The following RAPGEF3 variants were observed in gnomAD, a reference collection of about 807,000 sequenced individuals.
RAPGEF3 encodes the protein 9330170P05Rik.
A neutral mutation model predicts 129.8 loss-of-function variants in RAPGEF3; 103 were observed. That is an observed-to-expected ratio of 0.79 (90% CI 0.68 to 0.93). The LOEUF is 0.93. Ranked by LOEUF, RAPGEF3 falls within the 40% of genes least tolerant of loss-of-function variation. The pLI is 0.00. For missense variants in RAPGEF3, 1,117 were observed against 1,207.4 expected, an observed-to-expected ratio of 0.93 and a Z score of 1.11; for synonymous variants, 436 against 482.6, an observed-to-expected ratio of 0.90 and a Z score of 1.26.
At chr12:47,752,063 A>C in intron 2 of RAPGEF3, 94 bp from the exon 3 acceptor site, 2 of 1,374,896 alleles carry the variant, frequency 1.5e-6, no homozygotes, top group Non-Finnish European at 2.0e-6. Context: ...ACTCTTGCCT[A>C]GGCCCCAACC....
Position 47,750,392 on chromosome 12 carries a change from G to A in RAPGEF3, c.705C>T (p.Leu235=). The A allele has an allele frequency of 6.2e-7, 1 of 1,614,026 alleles. No individual in the cohort carries two copies. The highest frequency in any genetic ancestry group is 8.5e-7 in the Non-Finnish European group (1 of 1,179,928). ...TGATGTGCAGCAGCTCCTCAAAGAT[G>A]AGGTCCAGCTCTTCATCCGTGCGCT... ...PGQRTDEELD[L]IFEELLHIKA... is the part of the protein sequence containing the mutation. The change falls in exon 7 of 28, where the codon CTC becomes CTT. Residue 235 remains leucine, a synonymous_variant. Coordinates refer to ENST00000449771, the MANE Select transcript of RAPGEF3 (RefSeq NM_001098531.4).
At chr12:47,739,363 G>A in intron 23 of RAPGEF3, 133 bp from the exon 24 acceptor site, 1 of 751,882 alleles carries the variant, frequency 1.3e-6, no homozygotes, top group South Asian at 1.5e-5. Flanking sequence ...CTCAGCCCCA[G>A]GTCTCACCCA....
chr12:47,738,362 C>G, intron 25 of RAPGEF3, 115 bp from the exon 26 acceptor site: 1 of 1,405,644 alleles, frequency 7.1e-7, no homozygotes, highest in Non-Finnish European at 9.9e-7. Context: ...CTGTAAGATC[C>G]TTGGTTATGT....
chr12:47,740,444 C>G, intron 21 of RAPGEF3, 49 bp from the exon 22 acceptor site: 1 of 1,574,294 alleles, frequency 6.4e-7, no homozygotes. Flanking sequence ...AGCAGCCACC[C>G]CTACAGTGCC....
chr12:47,753,116 T>G (rs146005288), intron 2 of RAPGEF3, among the ~76,000 whole-genome samples: 160 of 152,332 alleles, frequency 1.1e-3, no homozygotes, highest in Middle Eastern at 6.8e-3. Flanking sequence ...AATCGCCCCC[T>G]TGATTTCATT....
At chr12:47,744,102 G>A in intron 16 of RAPGEF3, 34 bp from the exon 17 acceptor site, 2 of 1,506,990 alleles carry the variant, frequency 1.3e-6, no homozygotes, top group Non-Finnish European at 1.8e-6. Flanking sequence ...ATAAGGCTGG[G>A]AGGACATGAG....
Position 47,737,415 on chromosome 12 carries a change from G to C in RAPGEF3, c.*152C>G, listed in dbSNP as rs1306717510. On this transcript the variant is annotated 3_prime_UTR_variant, in exon 28 of 28. Coordinates refer to ENST00000449771, the MANE Select transcript of RAPGEF3 (RefSeq NM_001098531.4). ...TCCTTAGCTGCCAGTCATCACAGGGGATGGCTGCCTCCACACTGCCTGCTC... is the reference window on the plus strand; with the variant it reads ...TCCTTAGCTGCCAGTCATCACAGGGCATGGCTGCCTCCACACTGCCTGCTC... The C allele has an allele frequency of 6.1e-6, 4 of 652,720 alleles. No individual in the cohort carries two copies. The highest frequency in any genetic ancestry group is 5.6e-5 in the Admixed American group (2 of 36,022). The allele number at this position is 652,720 out of a possible 1,614,324, so 40.4% of individuals were successfully genotyped here.
intron 11 of RAPGEF3, 31 bp downstream of exon 11, chr12:47,748,788 G>T: frequency 6.9e-7 from 1 of 1,443,462 alleles, no homozygotes; most frequent in Non-Finnish European, 9.8e-7. Context: ...AGGAGGGACA[G>T]TGTGGAGAGG....
chr12:47,750,081 C>A, intron 7 of RAPGEF3, 91 bp from the exon 8 acceptor site: 1 of 1,456,480 alleles, frequency 6.9e-7, no homozygotes, highest in East Asian at 2.3e-5. Flanking sequence ...TCCAAAGACA[C>A]AAGTGCTGGG....
At chr12:47,748,024 C>A in intron 13 of RAPGEF3, 50 bp downstream of exon 13, 1 of 1,545,128 alleles carries the variant, frequency 6.5e-7, no homozygotes, top group Non-Finnish European at 8.8e-7. Flanking sequence ...CTCAACCCCA[C>A]GCACCATCCT....
At chr12:47,747,264 C>T (rs1352223536) in intron 15 of RAPGEF3, among the ~76,000 whole-genome samples, 1 of 152,092 alleles carries the variant, frequency 6.6e-6, no homozygotes, top group Non-Finnish European at 1.5e-5. Context: ...GAAGCTGGCA[C>T]TGAGGGTATT....
intron 2 of RAPGEF3, 111 bp from the exon 3 acceptor site, chr12:47,752,080 G>A: frequency 2.6e-6 from 3 of 1,136,164 alleles, no homozygotes; most frequent in Non-Finnish European, 2.6e-6. Flanking sequence ...AACCCCAAAT[G>A]CATCCATGTG....
At chr12:47,739,819 A>G (rs1941035752) in intron 23 of RAPGEF3, 1 of 469,294 alleles carries the variant, frequency 2.1e-6, no homozygotes, top group Non-Finnish European at 3.9e-6. Flanking sequence ...GGAGCCCCTG[A>G]CACTGCCCTG....
rs1565772954 is a variant in RAPGEF3 at position 47,758,578 on chromosome 12, G to A, written c.-22C>T. ...TCATGTTTCTTTTCAAGCTCGCACA[G>A]CCGTGCAGGCTCTAGCAAAAGGCTG... On this transcript the variant is annotated 5_prime_UTR_variant, in exon 1 of 28. Transcript: ENST00000449771. 1.2e-6 allele frequency: 2 copies of A among 1,613,870 alleles called. No homozygotes were observed. Among genetic ancestry groups the A allele is most frequent in the South Asian group, 1.1e-5 (1 of 91,034 alleles).
In RAPGEF3 at chr12:47,749,595, C is replaced by T; in HGVS notation, c.895-59G>A. 1 of 1,537,064 alleles carries T rather than the reference C, an allele frequency of 6.5e-7. No individual in the cohort carries two copies. On this transcript the variant is annotated intron_variant, in intron 9 of 27. Coordinates refer to ENST00000449771, the MANE Select transcript of RAPGEF3 (RefSeq NM_001098531.4). The surrounding 1 kb of genome is among the most constrained non-coding windows in gnomAD (Gnocchi z 4.5). ...CCGCCCCTGCCGCCCCCAGCTCTTG[C>T]CAGGACAGACCCACGGCAGGAGAAC...
chr12:47,740,878 G>A (rs751617189), intron 20 of RAPGEF3, 37 bp downstream of exon 20: 84 of 1,613,492 alleles, frequency 5.2e-5, no homozygotes, highest in Non-Finnish European at 5.8e-5. Context: ...CGGGCGCCCC[G>A]CCGCCTGCTC....
intron 25 of RAPGEF3, 143 bp from the exon 26 acceptor site, chr12:47,738,390 G>C: frequency 2.6e-6 from 3 of 1,135,934 alleles, no homozygotes; most frequent in Non-Finnish European, 3.9e-6. Context: ...TGTGTACTTC[G>C]CCTCAGCACA....
chr12:47,740,028 G>T, intron 23 of RAPGEF3, 113 bp downstream of exon 23: 2 of 1,325,788 alleles, frequency 1.5e-6, no homozygotes, highest in South Asian at 1.3e-5. Context: ...CCCTGAAAGT[G>T]ACAAAGGACG....
intron 4 of RAPGEF3, 84 bp from the exon 5 acceptor site, chr12:47,751,604 AG>A: frequency 6.2e-7 from 1 of 1,602,186 alleles, no homozygotes; most frequent in Non-Finnish European, 8.5e-7. Flanking sequence ...GCACCCTCTG[AG>A]GCCCAAGCCT....
Sources: allele counts gnomAD v4.1 joint callset (sites outside exome capture counted in the v4.1 genomes callset), GRCh38; gene constraint gnomAD v4.1.1; non-coding constraint Gnocchi (gnomAD v3.1); transcripts MANE v1.5; gene names NCBI Gene and HGNC (gene_info 2026-07-23, HGNC 2026-07-21).